The following DENR variants were observed in gnomAD, a reference collection of about 807,000 sequenced individuals.
The protein encoded by DENR is density-regulated protein.
A neutral mutation model predicts 30.6 loss-of-function variants in DENR; 6 were observed. The ratio of observed to expected loss-of-function variants is 0.20; its 90% CI spans 0.11 to 0.39. DENR has a LOEUF of 0.39. Among genes scored for constraint, DENR ranks in the 10% least tolerant of loss-of-function variants. The probability of loss-of-function intolerance (pLI) is 1.00; values close to 1 mark genes in which losing one functional copy is unlikely to be tolerated. For synonymous variants in DENR, 78 were observed against 72.1 expected (o/e 1.08, Z -0.41); for missense variants, 141 against 230.9 (o/e 0.61, Z 2.52).
At position 122,770,764 on chromosome 12, in the gene DENR, T is replaced by C. The variant is rs149206665; in HGVS notation, c.*1686T>C. ...ATCTTGAATGAGTGTTTTTTAAAAA[T>C]AAAGTATTAGAAAAATGTGTAGTAA... is the stretch of plus-strand genomic sequence containing the variant. On this transcript the variant is annotated 3_prime_UTR_variant, in exon 8 of 8. Coordinates refer to ENST00000280557, the MANE Select transcript of DENR (RefSeq NM_003677.5). 4.5e-5 allele frequency: 18 copies of C among 398,424 alleles called. No homozygotes were observed. The East Asian group carries it at 6.4e-4, about 14-fold the overall frequency. The allele number at this position is 398,424 out of a possible 1,614,324, so 24.7% of individuals were successfully genotyped here.
At chr12:122,760,648 G>A (rs186798939) in intron 2 of DENR, among the ~76,000 whole-genome samples, 5 of 152,260 alleles carry the variant, frequency 3.3e-5, no homozygotes, top group African/African-American at 2.4e-5. Context: ...GGAGAATGGC[G>A]TGAACCCGGG....
At chr12:122,755,563 T>C in intron 2 of DENR, among the ~76,000 whole-genome samples, 1 of 152,112 alleles carries the variant, frequency 6.6e-6, no homozygotes, top group East Asian at 1.9e-4. Flanking sequence ...CGGGCAACAG[T>C]GCGAGACCCC....
intron 5 of DENR, 84 bp from the exon 6 acceptor site, chr12:122,767,404 A>G (rs1014763702): frequency 2.3e-6 from 2 of 874,396 alleles, no homozygotes; most frequent in Admixed American, 3.2e-5. Context: ...AGAAACTTAA[A>G]CCTTTTGAGA....
At chr12:122,767,687 T>C in intron 6 of DENR, 83 bp downstream of exon 6, 1 of 665,282 alleles carries the variant, frequency 1.5e-6, no homozygotes, top group Non-Finnish European at 2.2e-6. Context: ...TCTCTCTCTC[T>C]CACATACCAT....
chr12:122,754,770 A>G (rs772827620), intron 2 of DENR, among the ~76,000 whole-genome samples: 4 of 152,226 alleles, frequency 2.6e-5, no homozygotes, highest in Non-Finnish European at 4.4e-5. Context: ...AGAGATTAAT[A>G]TGCTGCATTA....
chr12:122,764,113 C>T (rs894238194), intron 4 of DENR, among the ~76,000 whole-genome samples: 1 of 152,136 alleles, frequency 6.6e-6, no homozygotes. Context: ...GCAAGGAAGC[C>T]TTTGTGTCTG....
At chr12:122,758,257 A>C (rs976458045) in intron 2 of DENR, among the ~76,000 whole-genome samples, 1 of 152,090 alleles carries the variant, frequency 6.6e-6, no homozygotes, top group Admixed American at 6.6e-5. Context: ...TTTTTAGTAG[A>C]GATGAGGTTT....
chr12:122,765,195 G>A (rs1593763470), intron 4 of DENR, 109 bp from the exon 5 acceptor site: 2 of 771,134 alleles, frequency 2.6e-6, no homozygotes, highest in Non-Finnish European at 4.2e-6. Flanking sequence ...TTCATGCTCA[G>A]CTGTTGGTAA....
chr12:122,761,928 A>T (rs1274694737), intron 2 of DENR, among the ~76,000 whole-genome samples: 1 of 152,230 alleles, frequency 6.6e-6, no homozygotes, highest in African/African-American at 2.4e-5. Flanking sequence ...CATTATATAC[A>T]AAATAGCATA....
intron 2 of DENR, among the ~76,000 whole-genome samples, chr12:122,760,886 C>CT (rs1306859959): frequency 2.0e-5 from 3 of 152,210 alleles, no homozygotes; most frequent in African/African-American, 7.2e-5. Context: ...TAGCTTTACA[C>CT]TTTCATGATC....
chr12:122,753,593 A>C, intron 1 of DENR, 100 bp from the exon 2 acceptor site: 1 of 861,282 alleles, frequency 1.2e-6, no homozygotes, highest in Non-Finnish European at 1.9e-6. Flanking sequence ...AACAGACTTG[A>C]AACAGCTTTG....
intron 2 of DENR, among the ~76,000 whole-genome samples, chr12:122,759,060 G>A (rs1488142053): frequency 4.0e-5 from 6 of 151,856 alleles, no homozygotes; most frequent in Non-Finnish European, 5.9e-5. Flanking sequence ...GGCCAGGCTG[G>A]TCTTGAACTC....
At chr12:122,763,318 GA>G (rs1041087503) in intron 4 of DENR, 2 of 161,966 alleles carry the variant, frequency 1.2e-5, no homozygotes, top group African/African-American at 4.8e-5. Context: ...AGAACGGCGT[GA>G]ACCTGGGAGG....
At chr12:122,765,887 T>A (rs191122079) in intron 5 of DENR, among the ~76,000 whole-genome samples, 13 of 152,296 alleles carry the variant, frequency 8.5e-5, no homozygotes, top group African/African-American at 2.4e-4. Context: ...TTACTTCTGA[T>A]AGCTCAGTTG....
Position 122,770,730 on chromosome 12 carries a change from C to G in DENR, c.*1652C>G. 1 of 398,338 alleles carries G rather than the reference C, an allele frequency of 2.5e-6. No homozygotes were observed. The highest frequency in any genetic ancestry group is 4.4e-5 in the Admixed American group (1 of 22,714). The allele number at this position is 398,338 out of a possible 1,614,324, so 24.7% of individuals were successfully genotyped here. ...CATGGAACCCTTGTTTATCGCCATGCAAATTACAATCTTGAATGAGTGTTT... is the reference window on the plus strand; with the variant it reads ...CATGGAACCCTTGTTTATCGCCATGGAAATTACAATCTTGAATGAGTGTTT... On this transcript the variant is annotated 3_prime_UTR_variant, in exon 8 of 8. Transcript: ENST00000280557.
chr12:122,758,029 G>A (rs1395117679), intron 2 of DENR, among the ~76,000 whole-genome samples: 1 of 152,166 alleles, frequency 6.6e-6, no homozygotes, highest in African/African-American at 2.4e-5. Flanking sequence ...TGACTTTCAG[G>A]AAGCTGATTG....
Position 122,769,353 on chromosome 12 carries a change from G to A in DENR, c.*275G>A. On this transcript the variant is annotated 3_prime_UTR_variant, in exon 8 of 8. Transcript: ENST00000280557. ...ATATTCTACAGTAAAACTGTAGACT[G>A]TCCTCGTCCTTGGCATTTTCACTGT... 1.0e-6 allele frequency: 1 copy of A among 985,934 alleles called. No individual in the cohort carries two copies. Among genetic ancestry groups the A allele is most frequent in the Non-Finnish European group, 1.2e-6 (1 of 834,280 alleles). The allele number at this position is 985,934 out of a possible 1,614,324, so 61.1% of individuals were successfully genotyped here. A position where few individuals can be genotyped will look rare whatever the true frequency, so the allele number is the denominator to read the frequency against.
intron 3 of DENR, 26 bp from the exon 4 acceptor site, chr12:122,762,819 G>A (rs1405678147): frequency 1.4e-6 from 2 of 1,419,366 alleles, no homozygotes; most frequent in Non-Finnish European, 1.9e-6. Context: ...GTTTTGTTGT[G>A]ACTCAGTTCT....
At position 122,769,495 on chromosome 12, in the gene DENR, T is replaced by A; in HGVS notation, c.*417T>A. 1 of 832,232 alleles carries A rather than the reference T, an allele frequency of 1.2e-6. No individual in the cohort carries two copies. The highest frequency in any genetic ancestry group is 1.4e-6 in the Non-Finnish European group (1 of 706,896). 51.6% of individuals were successfully genotyped at this position (832,232 alleles called of 1,614,324 possible). On this transcript the variant is annotated 3_prime_UTR_variant, in exon 8 of 8. Transcript: ENST00000280557. ...AATTTTGGTCATTTGGTACTGACTT[T>A]CTCTCTCTCTCTCTCTCTCTTTTTT...
Sources: gnomAD v4.1 joint callset for allele counts (sites outside exome capture counted in the v4.1 genomes callset) on GRCh38, gnomAD v4.1.1 for gene constraint, MANE v1.5 for transcripts, NCBI Gene and HGNC (gene_info 2026-07-23, HGNC 2026-07-21) for gene names.